WWTR1: variants seen among roughly 807,000 people sequenced by gnomAD.
The protein encoded by WWTR1 is WW domain containing transcription regulator 1.
Under a neutral mutation model 40.1 loss-of-function variants are expected in WWTR1, and 13 were observed. That is an observed-to-expected ratio of 0.32 (90% CI 0.21 to 0.52). WWTR1 has a LOEUF of 0.52. WWTR1 is among the 20% of genes least tolerant of loss of function. The pLI, the probability that WWTR1 is intolerant of heterozygous loss-of-function variation, is 0.97. For missense variants in WWTR1, 436 were observed against 523.1 expected, an observed-to-expected ratio of 0.83 and a Z score of 1.63; for synonymous variants, 230 against 210.1, an observed-to-expected ratio of 1.09 and a Z score of -0.82.
At chr3:149,603,887 G>C (rs1739371255) in intron 2 of WWTR1, among the ~76,000 whole-genome samples, 1 of 145,150 alleles carries the variant, frequency 6.9e-6, no homozygotes, top group South Asian at 2.2e-4. Flanking sequence ...ATGTGAAGCT[G>C]TACAGATCTC....
intron 3 of WWTR1, chr3:149,724,617 G>C (rs905050873): frequency 6.6e-6 from 1 of 152,004 alleles, no homozygotes; most frequent in Non-Finnish European, 1.5e-5. Flanking sequence ...ATTTCAGAAG[G>C]TTCATTGACA....
At chr3:149,646,788 A>G (rs980731821) in intron 2 of WWTR1, among the ~76,000 whole-genome samples, 12 of 152,246 alleles carry the variant, frequency 7.9e-5, no homozygotes, top group Non-Finnish European at 1.8e-4. Flanking sequence ...TTCTGAATAA[A>G]GTGTTAACAA....
intron 3 of WWTR1, among the ~76,000 whole-genome samples, chr3:149,564,885 TTATAAA>T (rs1218641510): frequency 1.3e-5 from 2 of 152,328 alleles, no homozygotes; most frequent in Middle Eastern, 3.4e-3. Context: ...ATTTCACTGC[TTATAAA>T]TATATTTGTG....
At chr3:149,569,074 TCTTATA>T (rs1292334353) in intron 3 of WWTR1, among the ~76,000 whole-genome samples, 1 of 152,136 alleles carries the variant, frequency 6.6e-6, no homozygotes, top group Non-Finnish European at 1.5e-5. Context: ...CATCTAAAGC[TCTTATA>T]AAAAATAAGG....
rs1576531540 is a variant in WWTR1 at position 149,520,496 on chromosome 3, T to A, written c.*309A>T. 1.4e-5 allele frequency: 3 copies of A among 220,280 alleles called. No homozygotes were observed. In the South Asian group the frequency reaches 5.5e-4, roughly 40 times the overall value. 13.6% of individuals were successfully genotyped at this position (220,280 alleles called of 1,614,324 possible). A position where few individuals can be genotyped will look rare whatever the true frequency, so the allele number is the denominator to read the frequency against. On this transcript the variant is annotated 3_prime_UTR_variant, in exon 7 of 7. Coordinates refer to ENST00000360632, the MANE Select transcript of WWTR1 (RefSeq NM_015472.6). ...AAATTTCAATTAACACCCATAAAGC[T>A]TAGCCATGGGGCAGCAGAGAAGAAA...
chr3:149,655,185 C>T (rs1198164738), intron 2 of WWTR1, among the ~76,000 whole-genome samples: 1 of 151,682 alleles, frequency 6.6e-6, no homozygotes. Flanking sequence ...TGGCTCAAGC[C>T]TGTAATCCCA....
rs185121624 is a variant in WWTR1 at position 149,721,076 on chromosome 3, C to A, written n.459+3004G>T. 4.6e-5 allele frequency among the ~76,000 whole-genome samples: 7 copies of A among 152,142 alleles called. No homozygotes were observed. In the East Asian group the frequency reaches 1.4e-3, roughly 29 times the overall value. ...ATCTGCAAACAGGGATATTTTACTTCTTTTTTTCCATTTTAGATGCCTTTC... is the reference window on the plus strand; with the variant it reads ...ATCTGCAAACAGGGATATTTTACTTATTTTTTTCCATTTTAGATGCCTTTC... On this transcript the variant is annotated intron_variant and non_coding_transcript_variant, in intron 4 of 6. Transcript: ENST00000474080.
At chr3:149,668,275 G>GA (rs1366300351) in intron 2 of WWTR1, among the ~76,000 whole-genome samples, 1 of 152,116 alleles carries the variant, frequency 6.6e-6, no homozygotes, top group Non-Finnish European at 1.5e-5. Flanking sequence ...ATTATCATGT[G>GA]AAAAATCTCT....
At chr3:149,716,609 A>AT (rs1715611748) in intron 5 of WWTR1, among the ~76,000 whole-genome samples, 1 of 152,220 alleles carries the variant, frequency 6.6e-6, no homozygotes, top group Admixed American at 6.5e-5. Context: ...ATATTTTAAC[A>AT]TTTTCTCTTA....
At chr3:149,669,682 C>T (rs1287008163) in intron 2 of WWTR1, 2 of 152,146 alleles carry the variant, frequency 1.3e-5, no homozygotes, top group Admixed American at 6.5e-5. Flanking sequence ...AGTTCAATTA[C>T]AGCAAACTGG....
intron 2 of WWTR1, among the ~76,000 whole-genome samples, chr3:149,640,731 C>T (rs1288690548): frequency 6.6e-6 from 1 of 151,926 alleles, no homozygotes; most frequent in Non-Finnish European, 1.5e-5. Flanking sequence ...AGAATCAATA[C>T]AGTTTGGATC....
chr3:149,633,213 A>G (rs1238393191), intron 2 of WWTR1, among the ~76,000 whole-genome samples: 2 of 151,944 alleles, frequency 1.3e-5, no homozygotes, highest in African/African-American at 2.4e-5. Flanking sequence ...ACATAGGAAG[A>G]CCCCATCGCT....
intron 3 of WWTR1, among the ~76,000 whole-genome samples, chr3:149,550,310 A>G (rs986512191): frequency 6.6e-6 from 1 of 152,238 alleles, no homozygotes; most frequent in Non-Finnish European, 1.5e-5. Context: ...CCCTGGTCTA[A>G]TAAGACTGGG....
At chr3:149,623,982 C>T (rs563234539) in intron 2 of WWTR1, among the ~76,000 whole-genome samples, 2 of 152,310 alleles carry the variant, frequency 1.3e-5, no homozygotes, top group African/African-American at 4.8e-5. Context: ...ATGTGGCTTG[C>T]ATCACTCTCT....
chr3:149,683,513 GTGAAACCCC>G (rs1714529481), intron 1 of WWTR1, among the ~76,000 whole-genome samples: 2 of 152,126 alleles, frequency 1.3e-5, no homozygotes, highest in Non-Finnish European at 2.9e-5. Context: ...GGCCAACATG[GTGAAACCCC>G]GTCTCTACTA....
chr3:149,541,306 G>A (rs1736089757), intron 4 of WWTR1, among the ~76,000 whole-genome samples: 1 of 152,194 alleles, frequency 6.6e-6, no homozygotes, highest in Non-Finnish European at 1.5e-5. Flanking sequence ...AGCACTGTGG[G>A]TTCTTTTAGG....
rs187282675 is a variant in WWTR1, at chr3:149,665,987, T to C, written c.-4+3801A>G. Among the ~76,000 whole-genome samples the C allele has an allele frequency of 9.7e-4, 147 of 152,288 alleles. 1 individual carries two copies. Among genetic ancestry groups the C allele is most frequent in the Non-Finnish European group, 5.0e-4 (34 of 68,030 alleles). On this transcript the variant is annotated intron_variant, in intron 2 of 7. Coordinates refer to the WWTR1 transcript ENST00000465804. ...ATCCATTCAACAAATACGGTACATA[T>C]TTTTTTAATATCCATTGTGTTCAAG...
At position 149,555,484 on chromosome 3, in the gene WWTR1, G is replaced by GA. The variant is rs746791957; in HGVS notation, c.569-12948dup. 5.1e-3 allele frequency among the ~76,000 whole-genome samples: 637 copies of GA among 124,596 alleles called. 1 individual carries two copies. Among genetic ancestry groups the GA allele is most frequent in the Middle Eastern group, 0.013 (3 of 238 alleles). The allele number at this position is 124,596 out of a possible 152,430, so 81.7% of individuals were successfully genotyped here. ...TTTGCATTGGGCCAGGACCACTCAG[G>GA]AAAAAAAAAAAAAACGAAAGAAGAA... On this transcript the variant is annotated intron_variant, in intron 3 of 6. Transcript: ENST00000360632.
chr3:149,701,596 A>T (rs1715175938), intron 1 of WWTR1: 2 of 178,024 alleles, frequency 1.1e-5, no homozygotes, highest in Admixed American at 1.3e-4. Flanking sequence ...ATGATAAAAT[A>T]TTTTTTTCAA....
Sources: allele counts gnomAD v4.1 joint callset (sites outside exome capture counted in the v4.1 genomes callset), GRCh38; gene constraint gnomAD v4.1.1; transcripts MANE v1.5; gene names NCBI Gene and HGNC (gene_info 2026-07-23, HGNC 2026-07-21).